The following ZBTB7C variants were observed in gnomAD, a reference collection of about 807,000 sequenced individuals.
ZBTB7C encodes the protein zinc finger and BTB domain containing 7C.
In ZBTB7C, 8 loss-of-function variants were observed where a neutral mutation model predicts 25.7. That is an observed-to-expected ratio of 0.31 (90% CI 0.18 to 0.56). ZBTB7C has a LOEUF of 0.56. Among genes scored for constraint, ZBTB7C ranks in the 20% least tolerant of loss-of-function variants. The pLI, the probability that ZBTB7C is intolerant of heterozygous loss-of-function variation, is 0.91. For missense variants in ZBTB7C, 824 were observed against 855.2 expected, an observed-to-expected ratio of 0.96 and a Z score of 0.46; for synonymous variants, 394 against 369.0, an observed-to-expected ratio of 1.07 and a Z score of -0.78.
intron 2 of ZBTB7C, among the ~76,000 whole-genome samples, chr18:48,332,533 G>T (rs1468985675): frequency 6.6e-6 from 1 of 152,088 alleles, no homozygotes; most frequent in Middle Eastern, 3.4e-3. Flanking sequence ...TCTAGAATTT[G>T]GTTCTAAATA....
chr18:48,159,222 C>T (rs1004554952), intron 3 of ZBTB7C, among the ~76,000 whole-genome samples: 1 of 152,094 alleles, frequency 6.6e-6, no homozygotes, highest in Non-Finnish European at 1.5e-5. Flanking sequence ...AATACCTGCA[C>T]ATGTGGTGGT....
At chr18:48,364,371 G>A (rs1401914381) in intron 1 of ZBTB7C, among the ~76,000 whole-genome samples, 1 of 152,164 alleles carries the variant, frequency 6.6e-6, no homozygotes, top group Non-Finnish European at 1.5e-5. Flanking sequence ...GCAGAGAGAG[G>A]ATCAGGAAAA....
At chr18:48,292,659 G>A (rs2045267318) in intron 2 of ZBTB7C, among the ~76,000 whole-genome samples, 1 of 152,180 alleles carries the variant, frequency 6.6e-6, no homozygotes, top group Admixed American at 6.5e-5. Context: ...CTGAAAACTG[G>A]ATGAAAGACT....
chr18:48,165,918 C>T (rs1356017834), intron 3 of ZBTB7C, among the ~76,000 whole-genome samples: 1 of 152,174 alleles, frequency 6.6e-6, no homozygotes, highest in Non-Finnish European at 1.5e-5. Context: ...CAAAGCTGAT[C>T]TTTCCCTCTT....
At chr18:48,355,298 A>G (rs1031300122) in intron 1 of ZBTB7C, among the ~76,000 whole-genome samples, 3 of 152,224 alleles carry the variant, frequency 2.0e-5, no homozygotes, top group African/African-American at 7.2e-5. Flanking sequence ...GATCTCTGAG[A>G]TACAACAATG....
At chr18:48,063,635 A>T (rs2037208264) in intron 3 of ZBTB7C, among the ~76,000 whole-genome samples, 1 of 152,214 alleles carries the variant, frequency 6.6e-6, no homozygotes, top group South Asian at 2.1e-4. Flanking sequence ...GAAATAAAAG[A>T]ATGGCCAATT....
At chr18:48,194,898 A>C (rs2042283506) in intron 2 of ZBTB7C, among the ~76,000 whole-genome samples, 1 of 150,470 alleles carries the variant, frequency 6.6e-6, no homozygotes, top group African/African-American at 2.4e-5. Flanking sequence ...GAGGGGGCAG[A>C]GGGACTGGCT....
intron 3 of ZBTB7C, among the ~76,000 whole-genome samples, chr18:48,142,158 T>C (rs1376925272): frequency 6.6e-6 from 1 of 152,280 alleles, no homozygotes; most frequent in African/African-American, 2.4e-5. Flanking sequence ...ATCGGCCATT[T>C]GCCAAACTCC....
intron 3 of ZBTB7C, among the ~76,000 whole-genome samples, chr18:48,097,490 G>A (rs1231486359): frequency 6.6e-6 from 1 of 151,990 alleles, no homozygotes; most frequent in East Asian, 1.9e-4. Context: ...TCTGCCTCCT[G>A]GGTTCAAGGC....
At chr18:48,147,033 G>T (rs2040515546) in intron 3 of ZBTB7C, among the ~76,000 whole-genome samples, 1 of 152,144 alleles carries the variant, frequency 6.6e-6, no homozygotes, top group South Asian at 2.1e-4. Flanking sequence ...CAGGTAGTCT[G>T]GGGTACAGGC....
chr18:48,351,777 C>T (rs1893838), intron 1 of ZBTB7C, among the ~76,000 whole-genome samples: 79,423 of 152,040 alleles, frequency 0.52, 21,234 homozygotes, highest in East Asian at 0.77. Flanking sequence ...GCCAGGCCTA[C>T]GGAACCCAAA....
Position 48,375,327 on chromosome 18 carries a change from G to A in ZBTB7C, c.-304+33899C>T, listed in dbSNP as rs572166689. On this transcript the variant is annotated intron_variant, in intron 1 of 4. Transcript: ENST00000590800. ...GGGCAGTAAGGACTCCTGGAAGCAT[G>A]AGATCGACCAGGAAACCCAATTCCC... Among the ~76,000 whole-genome samples, 15 of 152,316 alleles carry A rather than the reference G, an allele frequency of 9.8e-5. No individual in the cohort carries two copies. The South Asian group carries it at 3.1e-3, about 32-fold the overall frequency.
intron 2 of ZBTB7C, among the ~76,000 whole-genome samples, chr18:48,223,614 G>C (rs979116119): frequency 6.6e-6 from 1 of 152,196 alleles, no homozygotes; most frequent in Non-Finnish European, 1.5e-5. Flanking sequence ...GGTGAGGATG[G>C]TGTCCCACCT....
chr18:48,031,343 C>A (rs1445494832), intron 4 of ZBTB7C, among the ~76,000 whole-genome samples: 1 of 152,130 alleles, frequency 6.6e-6, no homozygotes, highest in East Asian at 1.9e-4. Context: ...GGCTGGAGAG[C>A]CCCTGGGAGT....
At chr18:48,128,756 G>A (rs762762270) in intron 3 of ZBTB7C, among the ~76,000 whole-genome samples, 43 of 152,180 alleles carry the variant, frequency 2.8e-4, no homozygotes, top group East Asian at 5.8e-4. Context: ...TATTGTGTAC[G>A]ATGTATACTA....
At chr18:48,194,166 C>T (rs1359708747) in intron 2 of ZBTB7C, among the ~76,000 whole-genome samples, 3 of 152,186 alleles carry the variant, frequency 2.0e-5, no homozygotes, top group African/African-American at 7.2e-5. Flanking sequence ...GGCTTCATCT[C>T]CCTAGTCTGG....
At chr18:48,407,489 G>A (rs939680833) in intron 1 of ZBTB7C, among the ~76,000 whole-genome samples, 3 of 152,192 alleles carry the variant, frequency 2.0e-5, no homozygotes, top group Admixed American at 1.3e-4. Flanking sequence ...CAGATAAAGA[G>A]GCCATGATGG....
At chr18:48,217,371 T>C (rs1181740865) in intron 2 of ZBTB7C, among the ~76,000 whole-genome samples, 2 of 152,158 alleles carry the variant, frequency 1.3e-5, no homozygotes, top group African/African-American at 2.4e-5. Flanking sequence ...GATCTGACCC[T>C]GTCACTCCCA....
intron 2 of ZBTB7C, among the ~76,000 whole-genome samples, chr18:48,264,874 C>T (rs1598734342): frequency 6.6e-6 from 1 of 152,286 alleles, no homozygotes; most frequent in South Asian, 2.1e-4. Context: ...ACCCCCACGA[C>T]CACAAGCGAA....
Sources: gnomAD v4.1 joint callset for allele counts (sites outside exome capture counted in the v4.1 genomes callset) on GRCh38, gnomAD v4.1.1 for gene constraint, MANE v1.5 for transcripts, NCBI Gene and HGNC (gene_info 2026-07-23, HGNC 2026-07-21) for gene names.